The following CCDC178 variants were observed in gnomAD, a reference collection of about 807,000 sequenced individuals.
The protein encoded by CCDC178 is coiled-coil domain-containing protein 178.
In CCDC178, 126 loss-of-function variants were observed where a neutral mutation model predicts 117.4. That is an observed-to-expected ratio of 1.07 (90% CI 0.93 to 1.24). CCDC178 has a LOEUF of 1.24. Among genes scored for constraint, CCDC178 ranks in the 50% most tolerant of loss-of-function variants. The pLI, the probability that CCDC178 is intolerant of heterozygous loss-of-function variation, is 0.00. For synonymous variants in CCDC178, 283 were observed against 313.4 expected (o/e 0.90, Z 1.02); for missense variants, 1,030 against 986.9 (o/e 1.04, Z -0.59).
At position 33,412,035 on chromosome 18, in the gene CCDC178, A is replaced by T. The variant is rs1383015473; in HGVS notation, c.54T>A (p.Asn18Lys). 2.7e-6 allele frequency: 4 copies of T among 1,458,950 alleles called. No individual in the cohort carries two copies. Among genetic ancestry groups the T allele is most frequent in the Non-Finnish European group, 3.8e-6 (4 of 1,053,992 alleles). The allele number at this position is 1,458,950 out of a possible 1,614,324, so 90.4% of individuals were successfully genotyped here. ...SSSSTRDDQTNIGLTCQEVKA... is the reference protein window; with the variant it reads ...SSSSTRDDQTKIGLTCQEVKA... ...ATCAATTTATGATAAACTTACCTAT[A>T]TTGGTTTGATCATCTCTAGTGGAAG... The change falls in exon 3 of 23, where the codon AAT (asparagine) becomes AAA (lysine). Residue 18 changes from asparagine (N) to lysine (K), a missense_variant. Coordinates refer to ENST00000383096, the MANE Select transcript of CCDC178 (RefSeq NM_001105528.4).
intron 11 of CCDC178, among the ~76,000 whole-genome samples, chr18:33,294,808 T>C (rs553276013): frequency 5.9e-5 from 9 of 152,320 alleles, no homozygotes; most frequent in South Asian, 2.1e-4. Context: ...GAATACACTA[T>C]GGACTTTTGC....
At chr18:33,086,969 G>GACACACACAC (rs71949744) in intron 21 of CCDC178, among the ~76,000 whole-genome samples, 16 of 124,122 alleles carry the variant, frequency 1.3e-4, no homozygotes, top group African/African-American at 4.9e-4. Context: ...GCTATTGGTT[G>GACACACACAC]ACACACACAC....
chr18:33,147,397 T>A (rs2058282890), intron 20 of CCDC178, among the ~76,000 whole-genome samples: 1 of 142,192 alleles, frequency 7.0e-6, no homozygotes, highest in African/African-American at 2.7e-5. Flanking sequence ...TTATTGATCA[T>A]TCTTGGGTGT....
At chr18:33,440,269 T>G (rs1431018326) in intron 1 of CCDC178, among the ~76,000 whole-genome samples, 188 bp from the exon 2 acceptor site, 1 of 111,758 alleles carries the variant, frequency 8.9e-6, no homozygotes, top group Non-Finnish European at 1.7e-5. Flanking sequence ...AGACTCTGCT[T>G]CCCTTCCCCC....
At chr18:33,265,528 AAG>A in intron 14 of CCDC178, among the ~76,000 whole-genome samples, 1 of 152,158 alleles carries the variant, frequency 6.6e-6, no homozygotes, top group Admixed American at 6.6e-5. Flanking sequence ...ATTCTAGAAA[AAG>A]AAAGTAGCAT....
chr18:33,005,366 C>A (rs1325531846), intron 21 of CCDC178, among the ~76,000 whole-genome samples: 2 of 151,988 alleles, frequency 1.3e-5, no homozygotes, highest in Non-Finnish European at 2.9e-5. Flanking sequence ...GGCATAAATA[C>A]AAACTTTGCA....
chr18:33,306,448 G>GGTTATATA (rs2062251007), intron 11 of CCDC178, among the ~76,000 whole-genome samples: 1 of 139,998 alleles, frequency 7.1e-6, no homozygotes, highest in Non-Finnish European at 1.5e-5. Context: ...GTGTGTGTGT[G>GGTTATATA]TACATATGGT....
At chr18:33,013,553 G>T (rs935917826) in intron 21 of CCDC178, among the ~76,000 whole-genome samples, 1 of 152,106 alleles carries the variant, frequency 6.6e-6, no homozygotes, top group African/African-American at 2.4e-5. Flanking sequence ...ATAAGGCTAT[G>T]ATTTATTTTT....
chr18:33,145,858 C>A (rs2058261333), intron 20 of CCDC178, among the ~76,000 whole-genome samples: 1 of 152,090 alleles, frequency 6.6e-6, no homozygotes, highest in South Asian at 2.1e-4. Context: ...ACAGAGAAAC[C>A]AGTGGACTTC....
chr18:33,012,460 C>T lies in CCDC178; in HGVS notation c.2389-37779G>A, dbSNP rs561971053. 2.0e-5 allele frequency among the ~76,000 whole-genome samples: 3 copies of T among 152,098 alleles called. No individual in the cohort carries two copies. In the South Asian group the frequency reaches 6.2e-4, roughly 32 times the overall value. ...TTTACATGTATATGATTTTTGCCAG[C>T]TATTAAAATATTTCAACTTTACCTT... On this transcript the variant is annotated intron_variant, in intron 21 of 22. Transcript: ENST00000383096.
chr18:33,050,767 G>T (rs2056732471), intron 21 of CCDC178, among the ~76,000 whole-genome samples: 1 of 152,116 alleles, frequency 6.6e-6, no homozygotes, highest in Admixed American at 6.5e-5. Context: ...TCACCAGAAA[G>T]GTCATCAAGA....
chr18:32,986,316 C>T (rs1270456031), intron 21 of CCDC178, among the ~76,000 whole-genome samples: 1 of 152,084 alleles, frequency 6.6e-6, no homozygotes, highest in Non-Finnish European at 1.5e-5. Flanking sequence ...TGCATGTATA[C>T]TCTCTAAGCC....
intron 20 of CCDC178, among the ~76,000 whole-genome samples, chr18:33,167,866 C>CTAAA (rs34929402): frequency 0.064 from 9,528 of 148,656 alleles, 313 homozygotes; most frequent in Non-Finnish European, 0.072. Flanking sequence ...GACTCTGTCT[C>CTAAA]TAAATAAATA....
At chr18:33,131,208 A>G (rs915062666) in intron 20 of CCDC178, among the ~76,000 whole-genome samples, 2 of 151,956 alleles carry the variant, frequency 1.3e-5, no homozygotes, top group African/African-American at 4.8e-5. Context: ...TTAAAAGGTC[A>G]TTTAAACTAT....
intron 21 of CCDC178, among the ~76,000 whole-genome samples, chr18:32,999,736 T>C (rs2055593021): frequency 6.6e-6 from 1 of 152,138 alleles, no homozygotes; most frequent in Non-Finnish European, 1.5e-5. Context: ...TCCAAGACCA[T>C]CAAGGTGGTA....
chr18:33,099,335 C>T (rs2145095667), intron 20 of CCDC178, among the ~76,000 whole-genome samples: 1 of 152,130 alleles, frequency 6.6e-6, no homozygotes, highest in Middle Eastern at 3.4e-3. Flanking sequence ...AATGAATCCC[C>T]ACAGGCCTCT....
intron 21 of CCDC178, among the ~76,000 whole-genome samples, chr18:33,079,505 G>A (rs1390179960): frequency 2.6e-5 from 4 of 152,238 alleles, no homozygotes; most frequent in African/African-American, 7.2e-5. Flanking sequence ...TACAATATGG[G>A]AGAAAATTTT....
chr18:33,187,607 A>AT (rs1255140240), intron 20 of CCDC178, among the ~76,000 whole-genome samples: 5 of 152,156 alleles, frequency 3.3e-5, no homozygotes, highest in African/African-American at 1.2e-4. Flanking sequence ...AATGTTAAAA[A>AT]TTTGTATAAA....
chr18:33,200,666 G>A (rs1483677015), intron 20 of CCDC178, among the ~76,000 whole-genome samples: 10 of 152,068 alleles, frequency 6.6e-5, no homozygotes, highest in Admixed American at 2.0e-4. Flanking sequence ...TGGCTGTCTT[G>A]TTCCCACTTT....
Sources: allele counts gnomAD v4.1 joint callset (sites outside exome capture counted in the v4.1 genomes callset), GRCh38; gene constraint gnomAD v4.1.1; transcripts MANE v1.5; gene names NCBI Gene and HGNC (gene_info 2026-07-23, HGNC 2026-07-21).